The following NRXN1 variants were observed in gnomAD, a reference collection of about 807,000 sequenced individuals.
NRXN1 encodes the protein neurexin-1.
In NRXN1, 39 loss-of-function variants were observed where a neutral mutation model predicts 150.9. The observed-to-expected ratio is 0.26, with a 90% CI of 0.20 to 0.34. NRXN1 has a LOEUF of 0.34. NRXN1 is among the 10% of genes least tolerant of loss of function. NRXN1 has a pLI of 1.00. For synonymous variants in NRXN1, 924 were observed against 757.0 expected (o/e 1.22, Z -3.62); for missense variants, 1,815 against 1,949.9 (o/e 0.93, Z 1.30).
intron 17 of NRXN1, among the ~76,000 whole-genome samples, chr2:50,401,712 A>G (rs2082402301): frequency 6.6e-6 from 1 of 152,174 alleles, no homozygotes; most frequent in African/African-American, 2.4e-5. Flanking sequence ...TGGGGTAGGC[A>G]AGTTGCCACA....
chr2:50,746,093 C>T (rs1468033018), intron 5 of NRXN1, among the ~76,000 whole-genome samples: 3 of 152,040 alleles, frequency 2.0e-5, no homozygotes, highest in Non-Finnish European at 4.4e-5. Context: ...TCTCCTGGCA[C>T]CCAAATTTAT....
intron 5 of NRXN1, among the ~76,000 whole-genome samples, chr2:50,847,284 G>A (rs1191881336): frequency 1.3e-5 from 2 of 151,852 alleles, no homozygotes; most frequent in Admixed American, 6.6e-5. Context: ...TAAAGTAATT[G>A]TGACCAGAAC....
intron 19 of NRXN1, among the ~76,000 whole-genome samples, chr2:50,056,304 C>T (rs1046250200): frequency 2.0e-5 from 3 of 152,028 alleles, no homozygotes; most frequent in Non-Finnish European, 4.4e-5. Flanking sequence ...ATACTTACCA[C>T]TAATAAGCCC....
intron 18 of NRXN1, among the ~76,000 whole-genome samples, chr2:50,218,490 C>CTT (rs34919769): frequency 3.3e-4 from 45 of 136,754 alleles, no homozygotes; most frequent in African/African-American, 1.1e-3. Flanking sequence ...TTAGCACCTT[C>CTT]TTTTTTTTTT....
intron 5 of NRXN1, among the ~76,000 whole-genome samples, chr2:50,688,511 T>C (rs1212491292): frequency 6.6e-6 from 1 of 152,132 alleles, no homozygotes; most frequent in Non-Finnish European, 1.5e-5. Flanking sequence ...GGTGCAGGAC[T>C]GGGTGGGTAG....
At chr2:50,574,350 A>G (rs868565508) in intron 8 of NRXN1, among the ~76,000 whole-genome samples, 2 of 152,278 alleles carry the variant, frequency 1.3e-5, no homozygotes, top group African/African-American at 4.8e-5. Flanking sequence ...TAAAAAAAAA[A>G]AATCTGAATT....
intron 18 of NRXN1, among the ~76,000 whole-genome samples, chr2:50,176,966 T>C (rs1036273958): frequency 5.3e-5 from 8 of 152,148 alleles, no homozygotes; most frequent in African/African-American, 4.8e-5. Flanking sequence ...CGAGTTTCTG[T>C]TCTTAAAAGA....
At chr2:50,019,917 C>CA (rs1687271750) in intron 21 of NRXN1, among the ~76,000 whole-genome samples, 1 of 122,076 alleles carries the variant, frequency 8.2e-6, no homozygotes, top group Non-Finnish European at 1.6e-5. Flanking sequence ...CACTGCACTC[C>CA]GGCCTGGGTG....
chr2:50,447,737 TTA>T (rs70948710), intron 17 of NRXN1, among the ~76,000 whole-genome samples: 4,100 of 36,702 alleles, frequency 0.11, 119 homozygotes, highest in Middle Eastern at 0.15. Flanking sequence ...CAGGGGAACG[TTA>T]TATATATATA....
In NRXN1 at chr2:50,627,611, C is replaced by CACAA. The variant is rs1681386079; in HGVS notation, c.833-3997_833-3996insTTGT. ...GCAATCTATGAAAGCTTTTGTCAGACACAGACACACACACACACACACACA... is the reference window on the plus strand; with the variant it reads ...GCAATCTATGAAAGCTTTTGTCAGACACAAACAGACACACACACACACACACACA... On this transcript the variant is annotated intron_variant, in intron 5 of 22. Coordinates refer to ENST00000401669, the MANE Select transcript of NRXN1 (RefSeq NM_001330078.2). 4.1e-5 allele frequency among the ~76,000 whole-genome samples: 4 copies of CACAA among 98,078 alleles called. No homozygotes were observed. The South Asian group carries it at 1.4e-3, about 35-fold the overall frequency. 64.3% of individuals were successfully genotyped at this position (98,078 alleles called of 152,430 possible). A position where few individuals can be genotyped will look rare whatever the true frequency, so the allele number is the denominator to read the frequency against.
rs375039478 is a variant in NRXN1, at chr2:50,500,128, A to G, written c.2498-2414T>C. Among the ~76,000 whole-genome samples the G allele has an allele frequency of 2.0e-5, 3 of 152,212 alleles. No homozygotes were observed. In the South Asian group the frequency reaches 6.2e-4, roughly 32 times the overall value. On this transcript the variant is annotated intron_variant, in intron 13 of 22. Coordinates refer to ENST00000401669, the MANE Select transcript of NRXN1 (RefSeq NM_001330078.2). ...CAATAGTAAAAAAATTCTGAAAAAA[A>G]TATTTCTAACACTTGAAATTAAATA... is the stretch of plus-strand genomic sequence containing the variant.
At chr2:50,979,429 C>T (rs766886194) in intron 2 of NRXN1, among the ~76,000 whole-genome samples, 1 of 152,040 alleles carries the variant, frequency 6.6e-6, no homozygotes, top group Non-Finnish European at 1.5e-5. Flanking sequence ...TTATTCAGGA[C>T]ATGAAACCAG....
chr2:50,348,429 T>C (rs749252596), intron 17 of NRXN1, among the ~76,000 whole-genome samples: 22 of 152,174 alleles, frequency 1.4e-4, no homozygotes, highest in Admixed American at 2.6e-4. Flanking sequence ...ATAAAATTGC[T>C]TGTATTTCAG....
At chr2:50,962,259 G>T (rs761114844) in intron 2 of NRXN1, among the ~76,000 whole-genome samples, 1 of 151,578 alleles carries the variant, frequency 6.6e-6, no homozygotes, top group East Asian at 1.9e-4. Context: ...CTCTCCCTTC[G>T]GTCTGTAATT....
At chr2:50,592,908 G>A (rs17040874) in intron 8 of NRXN1, among the ~76,000 whole-genome samples, 1 of 152,164 alleles carries the variant, frequency 6.6e-6, no homozygotes. Context: ...TCATAAAGAT[G>A]GGGAAGTGGA....
intron 21 of NRXN1, among the ~76,000 whole-genome samples, chr2:49,987,848 T>G (rs1420454424): frequency 6.6e-6 from 1 of 152,036 alleles, no homozygotes; most frequent in East Asian, 1.9e-4. Context: ...CCTATAAAAT[T>G]TATCCTAACA....
intron 5 of NRXN1, among the ~76,000 whole-genome samples, chr2:50,777,116 T>C (rs1574439545): frequency 6.6e-6 from 1 of 152,248 alleles, no homozygotes; most frequent in African/African-American, 2.4e-5. Flanking sequence ...AAAATGTGTA[T>C]TCTCAGATGG....
intron 18 of NRXN1, among the ~76,000 whole-genome samples, chr2:50,094,527 C>T (rs1178843140): frequency 6.6e-6 from 1 of 152,024 alleles, no homozygotes; most frequent in African/African-American, 2.4e-5. Context: ...AGGTAGTGAG[C>T]AAACTAGTAT....
chr2:50,390,390 G>A (rs2081608678), intron 17 of NRXN1, among the ~76,000 whole-genome samples: 2 of 152,018 alleles, frequency 1.3e-5, no homozygotes, highest in Non-Finnish European at 2.9e-5. Flanking sequence ...TATAATTTAA[G>A]AGAAGATCTT....
Sources: allele counts gnomAD v4.1 joint callset (sites outside exome capture counted in the v4.1 genomes callset), GRCh38; gene constraint gnomAD v4.1.1; transcripts MANE v1.5; gene names NCBI Gene and HGNC (gene_info 2026-07-23, HGNC 2026-07-21).